The following PAK3 variants were observed in gnomAD, a reference collection of about 807,000 sequenced individuals.
PAK3 encodes p21 (RAC1) activated kinase 3.
A neutral mutation model predicts 41.0 loss-of-function variants in PAK3; 4 were observed. The observed-to-expected ratio is 0.10, with a 90% confidence interval of 0.05 to 0.22. The LOEUF (loss-of-function observed/expected upper bound fraction) is 0.22, where lower values mean the gene tolerates loss of function less well. Among genes scored for constraint, PAK3 ranks in the 10% least tolerant of loss-of-function variants. The pLI is 1.00. For synonymous variants in PAK3, 146 were observed against 139.6 expected, an observed-to-expected ratio of 1.05 and a Z score of -0.32; for missense variants, 205 against 409.9, an observed-to-expected ratio of 0.50 and a Z score of 4.32.
chrX:111,046,421 C>A (rs903541236), intron 1 of PAK3, among the ~76,000 whole-genome samples: 2 of 111,561 alleles, frequency 1.8e-5, no homozygotes, highest in Non-Finnish European at 3.8e-5. Flanking sequence ...GTTTACCCCC[C>A]TGTAAAATGG....
intron 11 of PAK3, among the ~76,000 whole-genome samples, chrX:111,191,728 T>C (rs977680748): frequency 3.6e-5 from 4 of 112,074 alleles, no homozygotes; most frequent in Non-Finnish European, 7.5e-5. Flanking sequence ...TATTACAAAA[T>C]TCAAGAAATA....
Position 111,008,757 on chromosome X carries a change from T to C in PAK3, c.-28+64129T>C, listed in dbSNP as rs747551344. Among the ~76,000 whole-genome samples the C allele has an allele frequency of 2.7e-5, 3 of 112,342 alleles. No individual in the cohort carries two copies. In the Admixed American group the frequency reaches 2.8e-4, roughly 11 times the overall value. On this transcript the variant is annotated intron_variant, in intron 1 of 14. Transcript: ENST00000425146. The stretch of plus-strand genomic sequence containing the variant: ...GCTGCAAGGATTAAAGCTGGGTACA[T>C]AGTGAGAGCTTAATAAGGGTTGAGT...
chrX:111,195,001 G>T (rs2094598207), intron 14 of PAK3, among the ~76,000 whole-genome samples: 1 of 111,646 alleles, frequency 9.0e-6, no homozygotes, highest in Non-Finnish European at 1.9e-5. Context: ...TATTTATTTT[G>T]TTGAATATTA....
At chrX:111,154,649 CAG>C (rs960120086) in intron 8 of PAK3, among the ~76,000 whole-genome samples, 7 of 111,389 alleles carry the variant, frequency 6.3e-5, no homozygotes, top group African/African-American at 2.3e-4. Context: ...TTCCCCAAAA[CAG>C]AACAGAATAT....
At chrX:111,202,507 T>C (rs1203479350) in intron 16 of PAK3, among the ~76,000 whole-genome samples, 3 of 111,752 alleles carry the variant, frequency 2.7e-5, no homozygotes, top group African/African-American at 9.7e-5. Context: ...TTTGCCAAAG[T>C]GACTGGGGTT....
At chrX:111,176,045 T>A (rs1489266617) in intron 11 of PAK3, among the ~76,000 whole-genome samples, 1 of 111,606 alleles carries the variant, frequency 9.0e-6, no homozygotes, top group Non-Finnish European at 1.9e-5. Flanking sequence ...GTCAATTGTA[T>A]TCCTACTTTT....
chrX:111,207,994 C>G (rs1260584963), intron 16 of PAK3, among the ~76,000 whole-genome samples: 1 of 112,273 alleles, frequency 8.9e-6, no homozygotes, highest in Non-Finnish European at 1.9e-5. Flanking sequence ...GAGGTTTCGC[C>G]CTGTGGCCCA....
At chrX:111,078,168 G>A (rs1044161749) in intron 1 of PAK3, among the ~76,000 whole-genome samples, 30 of 111,249 alleles carry the variant, frequency 2.7e-4, no homozygotes, top group African/African-American at 9.1e-4. Context: ...AAGTTTTGGT[G>A]AGGATGTGGA....
intron 1 of PAK3, among the ~76,000 whole-genome samples, chrX:111,028,001 G>GTGTGTGTATATATATACACACATA (rs780630460): frequency 2.1e-5 from 2 of 96,199 alleles, no homozygotes; most frequent in Non-Finnish European, 4.1e-5. Context: ...ATATGTGTGT[G>GTGTGTGTATATATATACACACATA]TGTGTATATA....
intron 1 of PAK3, among the ~76,000 whole-genome samples, chrX:110,991,590 A>G (rs1416615403): frequency 1.8e-5 from 2 of 112,484 alleles, no homozygotes; most frequent in Non-Finnish European, 3.8e-5. Context: ...TAAGCATTCA[A>G]TAGATGTTAG....
chrX:111,027,168 GAT>G (rs1253436184), intron 1 of PAK3, among the ~76,000 whole-genome samples: 1 of 110,744 alleles, frequency 9.0e-6, no homozygotes, highest in Non-Finnish European at 1.9e-5. Flanking sequence ...ACTAAAGATG[GAT>G]CAAAGACTTA....
intron 1 of PAK3, among the ~76,000 whole-genome samples, chrX:110,953,975 A>G (rs891735259): frequency 3.6e-5 from 4 of 111,494 alleles, no homozygotes; most frequent in African/African-American, 1.3e-4. Flanking sequence ...TCAAATTTCT[A>G]TTCCCTCTTT....
rs1403238395 is a variant in PAK3, at chrX:111,024,608, C to A, written c.-28+79980C>A. Among the ~76,000 whole-genome samples the A allele has an allele frequency of 2.7e-5, 3 of 110,811 alleles. No homozygotes were observed. The Admixed American group carries it at 2.9e-4, about 11-fold the overall frequency. On this transcript the variant is annotated intron_variant, in intron 1 of 14. Transcript: ENST00000425146. ...TAGTCCAACAGAAAAAATCACAATT[C>A]TAAATATATATGCACCTAAAACTGG...
chrX:111,216,594 T>C (rs762880553), intron 17 of PAK3, 36 bp downstream of exon 17: 4 of 1,108,031 alleles, frequency 3.6e-6, no homozygotes, highest in Non-Finnish European at 5.0e-6. Flanking sequence ...AAGAGAGGCA[T>C]TATACTCAGC....
chrX:111,087,093 T>C (rs2092891618), intron 1 of PAK3, among the ~76,000 whole-genome samples: 1 of 108,243 alleles, frequency 9.2e-6, no homozygotes, highest in Admixed American at 1.0e-4. Context: ...CATGTCAGAA[T>C]TCGTTAAATT....
At chrX:110,956,774 A>C in intron 1 of PAK3, among the ~76,000 whole-genome samples, 1 of 111,647 alleles carries the variant, frequency 9.0e-6, no homozygotes. Flanking sequence ...CCTCCAAGAC[A>C]ACTGGTCAGA....
chrX:111,134,432 A>G (rs1172625180), intron 5 of PAK3, among the ~76,000 whole-genome samples: 1 of 112,157 alleles, frequency 8.9e-6, no homozygotes, highest in East Asian at 2.8e-4. Context: ...CTGTCCCCAT[A>G]TACTGGGCCT....
intron 1 of PAK3, among the ~76,000 whole-genome samples, chrX:111,040,837 C>T (rs751722092): frequency 9.8e-5 from 11 of 112,258 alleles, no homozygotes; most frequent in South Asian, 7.4e-4. Flanking sequence ...GTAACACTGG[C>T]GGTTTCCTGG....
chrX:111,198,879 T>G (rs939395701), intron 16 of PAK3, among the ~76,000 whole-genome samples: 1 of 111,732 alleles, frequency 8.9e-6, no homozygotes, highest in African/African-American at 3.2e-5. Context: ...CATTGGTATT[T>G]TGATATGAAC....
Sources: gnomAD v4.1 joint callset for allele counts (sites outside exome capture counted in the v4.1 genomes callset) on GRCh38, gnomAD v4.1.1 for gene constraint, MANE v1.5 for transcripts, NCBI Gene and HGNC (gene_info 2026-07-23, HGNC 2026-07-21) for gene names.